The following RHNO1 variants were observed in gnomAD, a reference collection of about 807,000 sequenced individuals.
The protein encoded by RHNO1 is RAD9, HUS1, RAD1-interacting nuclear orphan protein 1.
A neutral mutation model predicts 7.2 loss-of-function variants in RHNO1; 9 were observed. The ratio of observed to expected loss-of-function variants is 1.25; its 90% CI spans 0.75 to 2.18. The LOEUF is 2.18. Among genes scored for constraint, RHNO1 ranks in the 30% most tolerant of loss-of-function variants. RHNO1 has a pLI of 0.00. For missense variants in RHNO1, 292 were observed against 284.5 expected (o/e 1.03, Z -0.19); for synonymous variants, 95 against 107.5 (o/e 0.88, Z 0.72).
Position 2,888,574 on chromosome 12 carries a change from C to A in RHNO1, c.*115C>A. 2 of 920,628 alleles carry A rather than the reference C, an allele frequency of 2.2e-6. No homozygotes were observed. Among genetic ancestry groups the A allele is most frequent in the South Asian group, 1.9e-5 (1 of 52,290 alleles). 57.0% of individuals were successfully genotyped at this position (920,628 alleles called of 1,614,324 possible). A position where few individuals can be genotyped will look rare whatever the true frequency, so the allele number is the denominator to read the frequency against. On this transcript the variant is annotated 3_prime_UTR_variant, in exon 3 of 3. Coordinates refer to ENST00000489288, the MANE Select transcript of RHNO1 (RefSeq NM_001252499.3). Reference sequence around the variant, plus strand: ...ATGTAATATTGCTCTGTTGCCCAGGCTGGAGTGCAGTGGTATGATCTCACC... The same window carrying A: ...ATGTAATATTGCTCTGTTGCCCAGGATGGAGTGCAGTGGTATGATCTCACC...
chr12:2,878,979 TA>T (rs1269544217), intron 1 of RHNO1, among the ~76,000 whole-genome samples: 2 of 148,116 alleles, frequency 1.4e-5, no homozygotes, highest in African/African-American at 5.0e-5. Flanking sequence ...GTTTTTTTTT[TA>T]ATTATATATT....
chr12:2,886,985 GCTAGGTGCTGGGAATCAAGAA>G (rs1329601780), intron 2 of RHNO1: 1 of 455,834 alleles, frequency 2.2e-6, no homozygotes, highest in African/African-American at 2.0e-5. Flanking sequence ...CAGGCATTCT[GCTAGGTGCTGGGAATCAAGAA>G]CAAGACCACT....
At chr12:2,882,278 CAATAAATA>C (rs57480121) in intron 1 of RHNO1, among the ~76,000 whole-genome samples, 40,604 of 146,890 alleles carry the variant, frequency 0.28, 7,167 homozygotes, top group African/African-American at 0.47. Flanking sequence ...CCTGTCTCTA[CAATAAATA>C]AATAAATAAA....
chr12:2,879,033 T>C (rs1720822180), intron 1 of RHNO1, among the ~76,000 whole-genome samples: 1 of 151,942 alleles, frequency 6.6e-6, no homozygotes, highest in African/African-American at 2.4e-5. Context: ...AGGGTCTTGC[T>C]CTGTCCCCCA....
chr12:2,887,871 T>C (rs1208691106), intron 2 of RHNO1, 40 bp from the exon 3 acceptor site: 6 of 1,487,056 alleles, frequency 4.0e-6, no homozygotes, highest in East Asian at 2.3e-5. Context: ...CTTAGGTTAG[T>C]ACTTAGTTAG....
At chr12:2,877,164 G>C (rs2098146888), upstream of RHNO1, 1 of 152,238 alleles carries the variant, frequency 6.6e-6, no homozygotes, top group African/African-American at 2.4e-5. Context: ...AATTGGCGCC[G>C]GCGGAGCGTT....
At chr12:2,887,847 A>T in intron 2 of RHNO1, 64 bp from the exon 3 acceptor site, 1 of 1,331,578 alleles carries the variant, frequency 7.5e-7, no homozygotes, top group Non-Finnish European at 1.0e-6. Flanking sequence ...TGGTCATCAG[A>T]TACAGTTTCC....
rs2098164432 is a variant in RHNO1 at position 2,885,560 on chromosome 12, C to CTTTTTTTTTTTTTT, written c.168+26_168+27insTTTTTTTTTTTTTT. 2.4e-5 allele frequency: 18 copies of CTTTTTTTTTTTTTT among 737,682 alleles called. 6 individuals carry two copies. The African/African-American group carries it at 2.5e-4, about 10-fold the overall frequency. 45.7% of individuals were successfully genotyped at this position (737,682 alleles called of 1,614,324 possible). A position where few individuals can be genotyped will look rare whatever the true frequency, so the allele number is the denominator to read the frequency against. ...GTAGGCCCATGGGATTACTATTTGA[C>CTTTTTTTTTTTTTT]ATTTTTTTTTTTTTTTTTTTTTTTT... On this transcript the variant is annotated intron_variant, in intron 2 of 2. Transcript: ENST00000489288.
intron 1 of RHNO1, among the ~76,000 whole-genome samples, chr12:2,883,130 G>A (rs1444398758): frequency 6.7e-6 from 1 of 150,030 alleles, no homozygotes; most frequent in East Asian, 2.0e-4. Flanking sequence ...TGTAATTCCA[G>A]CACTTTGGGA....
intron 1 of RHNO1, among the ~76,000 whole-genome samples, chr12:2,884,711 T>G (rs2098163215): frequency 6.6e-6 from 1 of 151,916 alleles, no homozygotes; most frequent in Non-Finnish European, 1.5e-5. Flanking sequence ...ATGTTTATCC[T>G]GAGTTCTTGC....
At chr12:2,880,888 C>G (rs994001082) in intron 1 of RHNO1, among the ~76,000 whole-genome samples, 4 of 151,860 alleles carry the variant, frequency 2.6e-5, no homozygotes, top group African/African-American at 9.7e-5. Flanking sequence ...GTCCTCCCAT[C>G]TCAGCCTCCT....
At chr12:2,876,393 A>G (rs1308335170), upstream of RHNO1, 2 of 152,070 alleles carry the variant, frequency 1.3e-5, no homozygotes. Context: ...CCAGCCCGTT[A>G]TTATTATTGC....
rs892368035 is a variant in RHNO1 at position 2,878,599 on chromosome 12, C to A, written c.-85+1317C>A. Among the ~76,000 whole-genome samples, 8 of 151,738 alleles carry A rather than the reference C, an allele frequency of 5.3e-5. 1 individual carries two copies. Among genetic ancestry groups the A allele is most frequent in the African/African-American group, 1.9e-4 (8 of 41,170 alleles). On this transcript the variant is annotated intron_variant, in intron 1 of 2. Coordinates refer to ENST00000489288, the MANE Select transcript of RHNO1 (RefSeq NM_001252499.3). ...TGCATTTTAAAAGGTCCCTCTATAG[C>A]GGGGATTGCTAGAGTGGATTAGGGC... is the stretch of plus-strand genomic sequence containing the variant.
At position 2,885,263 on chromosome 12, in the gene RHNO1, C is replaced by T. The variant is rs1008271452; in HGVS notation, c.-84-20C>T. The T allele has an allele frequency of 2.0e-6, 2 of 1,005,864 alleles. No individual in the cohort carries two copies. Among genetic ancestry groups the T allele is most frequent in the African/African-American group, 1.6e-5 (1 of 60,878 alleles). The allele number at this position is 1,005,864 out of a possible 1,614,324, so 62.3% of individuals were successfully genotyped here. ...AATCATCTGAATTATTTGCTCCCAGCTTTTGTTTCTTCTCTACAGGCATGG... is the reference window on the plus strand; with the variant it reads ...AATCATCTGAATTATTTGCTCCCAGTTTTTGTTTCTTCTCTACAGGCATGG... On this transcript the variant is annotated intron_variant, in intron 1 of 2. Transcript: ENST00000489288.
Position 2,888,860 on chromosome 12 carries a change from G to A in RHNO1, c.*401G>A, listed in dbSNP as rs978488693. The A allele has an allele frequency of 6.3e-6, 1 of 158,390 alleles. No homozygotes were observed. Among genetic ancestry groups the A allele is most frequent in the Non-Finnish European group, 1.4e-5 (1 of 72,346 alleles). 9.8% of individuals were successfully genotyped at this position (158,390 alleles called of 1,614,324 possible). A position where few individuals can be genotyped will look rare whatever the true frequency, so the allele number is the denominator to read the frequency against. ...CATGAACAGTTCAGTTTAGTGTCAT[G>A]AACTATTCACTTCATATTTTTCTTG... On this transcript the variant is annotated 3_prime_UTR_variant, in exon 3 of 3. Transcript: ENST00000489288.
Position 2,885,365 on chromosome 12 carries a change from T to A in RHNO1, c.-2T>A, listed in dbSNP as rs1321097725. 2.5e-6 allele frequency: 4 copies of A among 1,612,472 alleles called. No individual in the cohort carries two copies. The highest frequency in any genetic ancestry group is 1.1e-5 in the South Asian group (1 of 90,894). On this transcript the variant is annotated 5_prime_UTR_variant, in exon 2 of 3. Coordinates refer to ENST00000489288, the MANE Select transcript of RHNO1 (RefSeq NM_001252499.3). ...TACTAACTGTTCCTCATTCACCGGT[T>A]GATGCCTCCCAGAAAAAAACGCCGC...
chr12:2,880,371 C>T (rs907499050), intron 1 of RHNO1, among the ~76,000 whole-genome samples: 2 of 151,860 alleles, frequency 1.3e-5, no homozygotes, highest in Admixed American at 6.6e-5. Flanking sequence ...AATCCCAGCA[C>T]TTTGGGAGGC....
In RHNO1 at chr12:2,884,697, C is replaced by A. The variant is rs367837819; in HGVS notation, c.-84-586C>A. 2.6e-5 allele frequency among the ~76,000 whole-genome samples: 4 copies of A among 151,910 alleles called. No homozygotes were observed. In the East Asian group the frequency reaches 7.7e-4, roughly 29 times the overall value. Reference sequence around the variant, plus strand: ...ATTTTTTTTTTTAACCTCAGCCTGACACCATGTTTATCCTGAGTTCTTGCC... The same window carrying A: ...ATTTTTTTTTTTAACCTCAGCCTGAAACCATGTTTATCCTGAGTTCTTGCC... On this transcript the variant is annotated intron_variant, in intron 1 of 2. Coordinates refer to ENST00000489288, the MANE Select transcript of RHNO1 (RefSeq NM_001252499.3).
chr12:2,885,569 T>C (rs757022158), intron 2 of RHNO1, 35 bp downstream of exon 2: 10 of 793,230 alleles, frequency 1.3e-5, no homozygotes, highest in East Asian at 1.6e-4. Context: ...ACATTTTTTT[T>C]TTTTTTTTTT....
Sources: allele counts gnomAD v4.1 joint callset (sites outside exome capture counted in the v4.1 genomes callset), GRCh38; gene constraint gnomAD v4.1.1; transcripts MANE v1.5; gene names NCBI Gene and HGNC (gene_info 2026-07-23, HGNC 2026-07-21).